Variants in CENPF observed in about 807,000 individuals in gnomAD.
CENPF encodes the protein AH antigen.
A neutral mutation model predicts 307.3 loss-of-function variants in CENPF; 214 were observed. The observed-to-expected ratio is 0.70, with a 90% CI of 0.62 to 0.78. CENPF has a LOEUF of 0.78. Among genes scored for constraint, CENPF ranks in the 30% least tolerant of loss-of-function variants. The pLI is 0.00. For missense variants in CENPF, 3,401 were observed against 3,483.9 expected (o/e 0.98, Z 0.60); for synonymous variants, 1,259 against 1,270.6 (o/e 0.99, Z 0.19).
At position 214,641,013 on chromosome 1, in the gene CENPF, C is replaced by G; in HGVS notation, c.2675C>G (p.Thr892Ser). 2 of 1,574,708 alleles carry G rather than the reference C, an allele frequency of 1.3e-6. No individual in the cohort carries two copies. The highest frequency in any genetic ancestry group is 1.7e-6 in the Non-Finnish European group (2 of 1,167,366). ...SQRISKLQED[T>S]SAHQNVVAET... is the part of the protein sequence containing the mutation. Reference sequence around the variant, plus strand: ...CGCATTAGTAAGTTACAGGAAGACACTTCTGCTCACCAGAATGTTGTTGCT... The same window carrying G: ...CGCATTAGTAAGTTACAGGAAGACAGTTCTGCTCACCAGAATGTTGTTGCT... The change falls in exon 12 of 20, where the codon ACT becomes AGT. Residue 892 changes from threonine (T) to serine (S), a missense_variant. Thr to Ser is a moderately conservative substitution (Grantham distance 58). Transcript: ENST00000366955.
At chr1:214,617,295 G>T (rs1294343785) in intron 3 of CENPF, among the ~76,000 whole-genome samples, 1 of 152,026 alleles carries the variant, frequency 6.6e-6, no homozygotes, top group Non-Finnish European at 1.5e-5. Flanking sequence ...TTATCTGCCC[G>T]CCTTGGTCTC....
At chr1:214,661,492 G>T (rs1318304303) in intron 19 of CENPF, among the ~76,000 whole-genome samples, 2 of 152,220 alleles carry the variant, frequency 1.3e-5, no homozygotes, top group Non-Finnish European at 2.9e-5. Context: ...GCTGGGTTAT[G>T]AGAGACAGTT....
Position 214,619,229 on chromosome 1 carries a change from A to G in CENPF, c.573+9A>G. 2 of 1,331,608 alleles carry G rather than the reference A, an allele frequency of 1.5e-6. No homozygotes were observed. Among genetic ancestry groups the G allele is most frequent in the South Asian group, 2.4e-5 (2 of 82,368 alleles). The allele number at this position is 1,331,608 out of a possible 1,614,324, so 82.5% of individuals were successfully genotyped here. Reference sequence around the variant, plus strand: ...AAGCCTTGCAGGCTAAAGTAAGTTAATTATGGGCCCTATAATAGAGTATGC... The same window carrying G: ...AAGCCTTGCAGGCTAAAGTAAGTTAGTTATGGGCCCTATAATAGAGTATGC... On this transcript the variant is annotated intron_variant, in intron 5 of 19. Coordinates refer to ENST00000366955, the MANE Select transcript of CENPF (RefSeq NM_016343.4).
chr1:214,610,778 T>G (rs1188897500), intron 1 of CENPF, among the ~76,000 whole-genome samples: 1 of 152,234 alleles, frequency 6.6e-6, no homozygotes, highest in Non-Finnish European at 1.5e-5. Flanking sequence ...TCCGGGATGG[T>G]ATTGCCTAGG....
At chr1:214,652,761 TA>T in intron 15 of CENPF, 66 bp from the exon 16 acceptor site, 13 of 1,400,556 alleles carry the variant, frequency 9.3e-6, no homozygotes, top group Middle Eastern at 4.9e-4. Context: ...TTTTTCTGAC[TA>T]TTTTTTTTTA....
chr1:214,623,015 C>A (rs1318125969), intron 7 of CENPF, among the ~76,000 whole-genome samples: 2 of 152,144 alleles, frequency 1.3e-5, no homozygotes, highest in Admixed American at 6.5e-5. Context: ...AGATCAAGAC[C>A]AGCTAGCCCA....
chr1:214,620,464 G>T (rs1379479471), intron 5 of CENPF, among the ~76,000 whole-genome samples, 191 bp from the exon 6 acceptor site: 4 of 152,208 alleles, frequency 2.6e-5, no homozygotes, highest in African/African-American at 4.8e-5. Flanking sequence ...TCAATGCTAA[G>T]AAGTCGAGCA....
In CENPF at chr1:214,619,213, A is replaced by G; in HGVS notation, c.566A>G (p.Gln189Arg). ...TTAGAGGCAGAGGTTAAAGCCTTGC[A>G]GGCTAAAGTAAGTTAATTATGGGCC... The part of the protein sequence containing the change: ...KRLEAEVKAL[Q>R]AKKASQTLPQ... The change falls in exon 5 of 20, where the codon CAG becomes CGG. Residue 189 changes from glutamine (Q) to arginine (R), a missense_variant. Transcript: ENST00000366955. The G allele has an allele frequency of 1.3e-6, 2 of 1,520,214 alleles. No individual in the cohort carries two copies. The highest frequency in any genetic ancestry group is 1.2e-5 in the South Asian group (1 of 86,726). The allele number at this position is 1,520,214 out of a possible 1,614,324, so 94.2% of individuals were successfully genotyped here.
At chr1:214,618,243 A>G (rs911316806) in intron 3 of CENPF, among the ~76,000 whole-genome samples, 1 of 152,220 alleles carries the variant, frequency 6.6e-6, no homozygotes, top group Non-Finnish European at 1.5e-5. Context: ...CTACAATTCA[A>G]GATGAGATTT....
intron 8 of CENPF, among the ~76,000 whole-genome samples, chr1:214,629,858 A>G (rs1326733392): frequency 6.6e-6 from 1 of 152,110 alleles, no homozygotes; most frequent in African/African-American, 2.4e-5. Flanking sequence ...GGCCAACTCC[A>G]GTTGTTTTTA....
At chr1:214,616,796 T>C (rs1657348564) in intron 3 of CENPF, among the ~76,000 whole-genome samples, 1 of 151,642 alleles carries the variant, frequency 6.6e-6, no homozygotes, top group Admixed American at 6.6e-5. Flanking sequence ...CTTTCTTTCT[T>C]TGTTTCTTTC....
chr1:214,642,844 G>T lies in CENPF; in HGVS notation c.4506G>T (p.Gln1502His), dbSNP rs1182175515. 6.2e-7 allele frequency: 1 copy of T among 1,613,964 alleles called. No individual in the cohort carries two copies. Among genetic ancestry groups the T allele is most frequent in the African/African-American group, 1.3e-5 (1 of 74,914 alleles). The change falls in exon 12 of 20, where the codon CAG (glutamine) becomes CAT (histidine). Residue 1502 changes from glutamine (Q) to histidine (H), a missense_variant. Physicochemically the swap from Gln to His is conservative, Grantham distance 24. Coordinates refer to ENST00000366955, the MANE Select transcript of CENPF (RefSeq NM_016343.4). ...DSSFYRALLEQTGDMSLLSNL... is the reference protein window; with the variant it reads ...DSSFYRALLEHTGDMSLLSNL... Reference sequence around the variant, plus strand: ...CCTTTTACAGAGCTCTTTTAGAACAGACAGGAGATATGTCTCTTTTGAGTA... The same window carrying T: ...CCTTTTACAGAGCTCTTTTAGAACATACAGGAGATATGTCTCTTTTGAGTA...
At chr1:214,639,016 CCCTTAACTA>C (rs1387535599) in intron 11 of CENPF, among the ~76,000 whole-genome samples, 1 of 152,174 alleles carries the variant, frequency 6.6e-6, no homozygotes, top group African/African-American at 2.4e-5. Flanking sequence ...TCTACATAAG[CCCTTAACTA>C]TAAGTAGGTA....
rs971993809 is a variant in CENPF at position 214,630,395 on chromosome 1, C to T, written c.1195-139C>T. On this transcript the variant is annotated intron_variant, in intron 8 of 19. Transcript: ENST00000366955. ...GAGCACCAAGGCTGACTATGTTCATCGTTAAGTGGACAGTTGGCTCAGCTC... is the reference window on the plus strand; with the variant it reads ...GAGCACCAAGGCTGACTATGTTCATTGTTAAGTGGACAGTTGGCTCAGCTC... The T allele has an allele frequency of 2.4e-5, 24 of 997,490 alleles. No homozygotes were observed. In the East Asian group the frequency reaches 2.9e-4, roughly 12 times the overall value. The allele number at this position is 997,490 out of a possible 1,614,324, so 61.8% of individuals were successfully genotyped here.
rs1205887737 is a variant in CENPF, at chr1:214,623,705, TG to T, written c.1068+1428del. Among the ~76,000 whole-genome samples, 6 of 152,160 alleles carry T rather than the reference TG, an allele frequency of 3.9e-5. No individual in the cohort carries two copies. The South Asian group carries it at 1.0e-3, about 26-fold the overall frequency. The stretch of plus-strand genomic sequence containing the variant: ...TATATATTAGGCACTGTTCCAGACC[TG>T]GGGCTGGAACAGTGATAAATAGACA... On this transcript the variant is annotated intron_variant, in intron 7 of 19. Coordinates refer to ENST00000366955, the MANE Select transcript of CENPF (RefSeq NM_016343.4).
chr1:214,605,673 C>G, intron 1 of CENPF: 5 of 1,581,160 alleles, frequency 3.2e-6, no homozygotes, highest in South Asian at 2.2e-5. Context: ...TTGGTGCCGC[C>G]GCTAGGCGAG....
intron 1 of CENPF, among the ~76,000 whole-genome samples, chr1:214,606,425 CTG>C (rs771369912): frequency 4.3e-4 from 65 of 152,316 alleles, no homozygotes; most frequent in Middle Eastern, 6.8e-3. Context: ...ACACTGGGAA[CTG>C]TGTGCCCCCC....
intron 3 of CENPF, among the ~76,000 whole-genome samples, chr1:214,617,638 A>G (rs903693267): frequency 7.2e-5 from 11 of 152,182 alleles, no homozygotes; most frequent in Non-Finnish European, 1.3e-4. Flanking sequence ...TATCTTTTCT[A>G]GATGCATTAT....
At position 214,641,183 on chromosome 1, in the gene CENPF, G is replaced by A. The variant is rs543055880; in HGVS notation, c.2845G>A (p.Glu949Lys). Residue 949 changes from glutamate to lysine, a missense_variant, in exon 12 of 20, where the codon GAA (glutamate) becomes AAA (lysine). Transcript: ENST00000366955. Reference sequence around the variant, plus strand: ...TCTAAAGGAGCTACAACTTTTATCCGAAACCCTAAGCTTGGAGAAGAAAGA... The same window carrying A: ...TCTAAAGGAGCTACAACTTTTATCCAAAACCCTAAGCTTGGAGAAGAAAGA... ...DSLKELQLLS[E>K]TLSLEKKEMS... is the part of the protein sequence containing the mutation. 1.1e-5 allele frequency: 17 copies of A among 1,605,258 alleles called. No homozygotes were observed. In the South Asian group the frequency reaches 1.4e-4, roughly 13 times the overall value.
Sources: gnomAD v4.1 joint callset for allele counts (sites outside exome capture counted in the v4.1 genomes callset) on GRCh38, gnomAD v4.1.1 for gene constraint, MANE v1.5 for transcripts, NCBI Gene and HGNC (gene_info 2026-07-23, HGNC 2026-07-21) for gene names.